Variants in CLNK observed in about 807,000 individuals in gnomAD.
CLNK encodes cytokine dependent hematopoietic cell linker, also known as cytokine-dependent hematopoietic cell linker.
In CLNK, 74 loss-of-function variants were observed where a neutral mutation model predicts 68.6. The observed-to-expected ratio is 1.08, with a 90% confidence interval of 0.89 to 1.31. The LOEUF (loss-of-function observed/expected upper bound fraction) is 1.31, where lower values mean the gene tolerates loss of function less well. Ranked by LOEUF, CLNK falls within the 50% of genes most tolerant of loss-of-function variation. The pLI is 0.00. For missense variants in CLNK, 553 were observed against 515.3 expected, an observed-to-expected ratio of 1.07 and a Z score of -0.71; for synonymous variants, 198 against 172.2, an observed-to-expected ratio of 1.15 and a Z score of -1.17.
At position 10,540,496 on chromosome 4, in the gene CLNK, G is replaced by A; in HGVS notation, c.600C>T (p.Pro200=). 6.2e-7 allele frequency: 1 copy of A among 1,605,242 alleles called. No homozygotes were observed. Among genetic ancestry groups the A allele is most frequent in the East Asian group, 2.2e-5 (1 of 44,828 alleles). Residue 200 remains proline (P), a splice_region_variant and synonymous_variant, in exon 11 of 19, where the codon CCC becomes CCT. Transcript: ENST00000226951. ...ACCATTGATGATGAATCTCTCACCT[G>A]GGCATTCTCTGGACTTCTGGAAAGG... The part of the protein sequence containing the change: ...RHTFPEVQRM[P]SQISLRDLSE...
intron 17 of CLNK, among the ~76,000 whole-genome samples, chr4:10,503,206 A>G (rs893732582): frequency 6.6e-6 from 1 of 152,176 alleles, no homozygotes; most frequent in Non-Finnish European, 1.5e-5. Flanking sequence ...TGACACCTGT[A>G]ATCCCAACAC....
intron 2 of CLNK, among the ~76,000 whole-genome samples, chr4:10,627,163 T>C (rs1233597770): frequency 6.6e-6 from 1 of 152,196 alleles, no homozygotes; most frequent in Non-Finnish European, 1.5e-5. Context: ...TTCATTTTAC[T>C]TGACGAAAAC....
intron 2 of CLNK, among the ~76,000 whole-genome samples, chr4:10,646,696 T>C (rs1263543685): frequency 6.6e-6 from 1 of 152,140 alleles, no homozygotes; most frequent in South Asian, 2.1e-4. Context: ...TCTTTTTTTT[T>C]TCCCTTGTAT....
At chr4:10,544,829 T>C (rs1284866322) in intron 8 of CLNK, among the ~76,000 whole-genome samples, 1 of 152,032 alleles carries the variant, frequency 6.6e-6, no homozygotes, top group Non-Finnish European at 1.5e-5. Context: ...GACTCTGAGG[T>C]GTACTAAGAC....
At chr4:10,571,901 T>A in intron 4 of CLNK, 123 bp from the exon 5 acceptor site, 1 of 730,234 alleles carries the variant, frequency 1.4e-6, no homozygotes, top group East Asian at 2.8e-5. Context: ...ACCTTGATTG[T>A]GATTTTTCAA....
At chr4:10,491,781 A>C (rs974779518) in intron 18 of CLNK, among the ~76,000 whole-genome samples, 2 of 151,588 alleles carry the variant, frequency 1.3e-5, no homozygotes, top group Non-Finnish European at 2.9e-5. Context: ...TTTTTTTTTT[A>C]ATTTCAACAG....
At chr4:10,629,197 A>G (rs944215352) in intron 2 of CLNK, among the ~76,000 whole-genome samples, 1 of 152,034 alleles carries the variant, frequency 6.6e-6, no homozygotes, top group Non-Finnish European at 1.5e-5. Context: ...ACCTAAAGCT[A>G]TGGTCAGATA....
At chr4:10,621,442 G>A (rs1428467692) in intron 2 of CLNK, among the ~76,000 whole-genome samples, 2 of 152,164 alleles carry the variant, frequency 1.3e-5, no homozygotes, top group African/African-American at 2.4e-5. Context: ...TATCATTGGA[G>A]GTCTTTCCAT....
intron 7 of CLNK, among the ~76,000 whole-genome samples, chr4:10,562,970 T>A (rs1577131398): frequency 6.6e-6 from 1 of 152,214 alleles, no homozygotes; most frequent in African/African-American, 2.4e-5. Flanking sequence ...ATGACATAGT[T>A]CTTGAATGAA....
At chr4:10,530,684 A>T (rs747490605) in intron 12 of CLNK, among the ~76,000 whole-genome samples, 6 of 152,130 alleles carry the variant, frequency 3.9e-5, no homozygotes, top group Non-Finnish European at 8.8e-5. Context: ...TCTCAGACTG[A>T]CCAAAGGGTT....
chr4:10,717,520 C>G, the CLNK span, among the ~76,000 whole-genome samples: 48 of 152,148 alleles, frequency 3.2e-4, no homozygotes, highest in South Asian at 8.3e-3. Context: ...TGCTTGAACC[C>G]GGGAGGCAGA....
At chr4:10,682,162 G>A (rs777111121) in intron 1 of CLNK, among the ~76,000 whole-genome samples, 13 of 150,318 alleles carry the variant, frequency 8.6e-5, no homozygotes, top group Non-Finnish European at 1.5e-4. Flanking sequence ...TGATTTTTTC[G>A]TTATTGCTGA....
At chr4:10,681,185 C>T (rs1221267396) in intron 1 of CLNK, among the ~76,000 whole-genome samples, 3 of 152,104 alleles carry the variant, frequency 2.0e-5, no homozygotes, top group Admixed American at 6.6e-5. Context: ...GGGAATATGC[C>T]AATCATCTGA....
chr4:10,582,023 A>C (rs1375912639), intron 4 of CLNK, among the ~76,000 whole-genome samples: 2 of 152,204 alleles, frequency 1.3e-5, no homozygotes, highest in Non-Finnish European at 2.9e-5. Context: ...GGGCTAGAAA[A>C]TATTCATTTT....
At chr4:10,550,821 A>G (rs1277526673) in intron 8 of CLNK, among the ~76,000 whole-genome samples, 1 of 152,184 alleles carries the variant, frequency 6.6e-6, no homozygotes, top group African/African-American at 2.4e-5. Flanking sequence ...ACTTAAAGGA[A>G]TCACTTTACA....
intron 18 of CLNK, among the ~76,000 whole-genome samples, chr4:10,498,960 T>C (rs1463442537): frequency 2.0e-5 from 3 of 152,194 alleles, no homozygotes; most frequent in Non-Finnish European, 2.9e-5. Context: ...ATTCTTTAAT[T>C]CATTGTACCC....
the CLNK span, among the ~76,000 whole-genome samples, chr4:10,712,793 G>T: frequency 6.6e-6 from 1 of 152,194 alleles, no homozygotes; most frequent in Non-Finnish European, 1.5e-5. Flanking sequence ...ACTGAGGACT[G>T]GTCTTTAAGA....
intron 2 of CLNK, among the ~76,000 whole-genome samples, chr4:10,639,375 A>T (rs1723220099): frequency 6.6e-6 from 1 of 152,220 alleles, no homozygotes; most frequent in African/African-American, 2.4e-5. Context: ...CTGCTCAGGC[A>T]ATGATCAACT....
intron 18 of CLNK, among the ~76,000 whole-genome samples, chr4:10,493,958 T>A (rs937809844): frequency 1.3e-5 from 2 of 152,228 alleles, no homozygotes; most frequent in African/African-American, 4.8e-5. Context: ...CAGAAGAAAG[T>A]GTGACACACA....
Sources: gnomAD v4.1 joint callset for allele counts (sites outside exome capture counted in the v4.1 genomes callset) on GRCh38, gnomAD v4.1.1 for gene constraint, MANE v1.5 for transcripts, NCBI Gene and HGNC (gene_info 2026-07-23, HGNC 2026-07-21) for gene names.